FBXO4: variants seen among roughly 807,000 people sequenced by gnomAD.
FBXO4 encodes F-box protein 4, also known as F-box only protein 4.
Under a neutral mutation model 43.7 loss-of-function variants are expected in FBXO4, and 36 were observed. The observed-to-expected ratio is 0.82, with a 90% CI of 0.63 to 1.09. The LOEUF (loss-of-function observed/expected upper bound fraction) is 1.09, where lower values mean the gene tolerates loss of function less well. Ranked by LOEUF, FBXO4 falls within the 50% of genes least tolerant of loss-of-function variation. The pLI is 0.00. For missense variants in FBXO4, 435 were observed against 474.1 expected, an observed-to-expected ratio of 0.92 and a Z score of 0.77; for synonymous variants, 180 against 165.6, an observed-to-expected ratio of 1.09 and a Z score of -0.67.
At chr5:41,987,637 G>C in the FBXO4 span, among the ~76,000 whole-genome samples, 3 of 152,144 alleles carry the variant, frequency 2.0e-5, no homozygotes, top group African/African-American at 7.2e-5. Context: ...TTGAAAACTA[G>C]GGTATATGCT....
chr5:42,015,277 T>C, the FBXO4 span, among the ~76,000 whole-genome samples: 1 of 152,254 alleles, frequency 6.6e-6, no homozygotes, highest in South Asian at 2.1e-4. Context: ...ATTTTGTGTG[T>C]GTGTGAGTGT....
chr5:42,019,150 C>A, the FBXO4 span, among the ~76,000 whole-genome samples: 5 of 152,012 alleles, frequency 3.3e-5, no homozygotes, highest in African/African-American at 1.2e-4. Context: ...TATATGCAAT[C>A]TAAATTTTAT....
the FBXO4 span, among the ~76,000 whole-genome samples, chr5:41,984,382 C>T: frequency 6.6e-6 from 1 of 152,144 alleles, no homozygotes; most frequent in Non-Finnish European, 1.5e-5. Flanking sequence ...CTCTCTAGAG[C>T]TCAAAAAGTG....
chr5:42,027,834 T>G, the FBXO4 span, among the ~76,000 whole-genome samples: 1 of 151,930 alleles, frequency 6.6e-6, no homozygotes, highest in Admixed American at 6.6e-5. Flanking sequence ...TGTGTTTGTA[T>G]AGTTTCCAAA....
chr5:41,939,639 G>T, intron 6 of FBXO4, 23 bp downstream of exon 6: 3 of 1,542,854 alleles, frequency 1.9e-6, no homozygotes, highest in South Asian at 2.5e-5. Context: ...ATACTCTAGT[G>T]ACAAAAATTT....
intron 1 of FBXO4, among the ~76,000 whole-genome samples, chr5:41,926,247 A>G (rs181306921): frequency 6.6e-6 from 1 of 152,216 alleles, no homozygotes; most frequent in African/African-American, 2.4e-5. Context: ...GGTTTTTCAT[A>G]ACATTTTAAT....
the FBXO4 span, among the ~76,000 whole-genome samples, chr5:42,006,407 T>G: frequency 6.6e-6 from 1 of 152,090 alleles, no homozygotes; most frequent in Non-Finnish European, 1.5e-5. Context: ...TAAGCAAGAA[T>G]TATGTTAGGC....
chr5:42,022,841 A>G, the FBXO4 span, among the ~76,000 whole-genome samples: 1 of 152,002 alleles, frequency 6.6e-6, no homozygotes, highest in Non-Finnish European at 1.5e-5. Flanking sequence ...GATGAGGGAG[A>G]AAAGAGAAGC....
intron 6 of FBXO4, among the ~76,000 whole-genome samples, chr5:41,940,930 C>G (rs1037890455): frequency 6.6e-6 from 1 of 152,146 alleles, no homozygotes; most frequent in Non-Finnish European, 1.5e-5. Context: ...TACATGGAAG[C>G]AAGTCATGGA....
At chr5:41,985,871 A>G in the FBXO4 span, among the ~76,000 whole-genome samples, 4 of 152,208 alleles carry the variant, frequency 2.6e-5, no homozygotes, top group African/African-American at 9.6e-5. Flanking sequence ...TGTAAAAGAC[A>G]GTTGAATGAC....
At chr5:42,035,899 T>A in the FBXO4 span, among the ~76,000 whole-genome samples, 2 of 152,130 alleles carry the variant, frequency 1.3e-5, no homozygotes, top group Non-Finnish European at 2.9e-5. Context: ...TAACTGAAAC[T>A]TGCCTTTAAA....
At chr5:41,995,015 C>G in the FBXO4 span, among the ~76,000 whole-genome samples, 1 of 152,122 alleles carries the variant, frequency 6.6e-6, no homozygotes. Flanking sequence ...GAACTTTTCC[C>G]AAGCCCTGCA....
At chr5:41,948,670 GAAATT>G in the FBXO4 span, among the ~76,000 whole-genome samples, 1 of 152,016 alleles carries the variant, frequency 6.6e-6, no homozygotes, top group African/African-American at 2.4e-5. Context: ...ATCTTTAAAA[GAAATT>G]AAGATAGTCT....
chr5:41,992,679 T>A, the FBXO4 span, among the ~76,000 whole-genome samples: 1 of 152,224 alleles, frequency 6.6e-6, no homozygotes. Context: ...GGGGAGATAT[T>A]TTTAGATTTG....
chr5:41,985,118 T>C, the FBXO4 span, among the ~76,000 whole-genome samples: 2 of 152,192 alleles, frequency 1.3e-5, no homozygotes, highest in African/African-American at 4.8e-5. Flanking sequence ...TTTTCCAAGC[T>C]CTTCTCCAAA....
the FBXO4 span, among the ~76,000 whole-genome samples, chr5:41,998,924 T>C: frequency 6.6e-6 from 1 of 152,152 alleles, no homozygotes; most frequent in Non-Finnish European, 1.5e-5. Context: ...AAGCCGGAAG[T>C]TAGAATCCGT....
the FBXO4 span, among the ~76,000 whole-genome samples, chr5:42,016,034 T>C: frequency 1.8e-4 from 28 of 152,038 alleles, no homozygotes; most frequent in Non-Finnish European, 2.1e-4. Flanking sequence ...TTAAGTCTTG[T>C]GAAGGGAGAA....
At chr5:41,954,429 T>G in the FBXO4 span, among the ~76,000 whole-genome samples, 2 of 152,238 alleles carry the variant, frequency 1.3e-5, no homozygotes, top group African/African-American at 4.8e-5. Flanking sequence ...ATTTGAAATA[T>G]GAATTTTCAA....
chr5:41,942,471 A>G (rs966208320), downstream of FBXO4, among the ~76,000 whole-genome samples: 21 of 151,260 alleles, frequency 1.4e-4, no homozygotes, highest in Non-Finnish European at 1.5e-4. Flanking sequence ...ATTATATCTG[A>G]TGAATGGAGA....
Sources: allele counts gnomAD v4.1 joint callset (sites outside exome capture counted in the v4.1 genomes callset), GRCh38; gene constraint gnomAD v4.1.1; transcripts MANE v1.5; gene names NCBI Gene and HGNC (gene_info 2026-07-23, HGNC 2026-07-21).